Variants in NR3C1 observed in about 807,000 individuals in gnomAD.
The protein encoded by NR3C1 is nuclear receptor subfamily 3 group C member 1.
In NR3C1, 14 loss-of-function variants were observed where a neutral mutation model predicts 74.0. The observed-to-expected ratio is 0.19, with a 90% CI of 0.12 to 0.30. The LOEUF is 0.30. Ranked by LOEUF, NR3C1 falls within the 10% of genes least tolerant of loss-of-function variation. The pLI is 1.00. For synonymous variants in NR3C1, 308 were observed against 332.5 expected, an observed-to-expected ratio of 0.93 and a Z score of 0.80; for missense variants, 695 against 909.8, an observed-to-expected ratio of 0.76 and a Z score of 3.04.
intron 2 of NR3C1, among the ~76,000 whole-genome samples, chr5:143,346,961 C>A (rs1275741928): frequency 6.6e-6 from 1 of 152,206 alleles, no homozygotes; most frequent in East Asian, 1.9e-4. Context: ...AACATGTGTG[C>A]TCAGTGCTTT....
At position 143,298,661 on chromosome 5, in the gene NR3C1, A is replaced by AACTT; in HGVS notation, c.1892+3_1892+6dup. On this transcript the variant is annotated splice_region_variant and intron_variant, in intron 6 of 8. Coordinates refer to ENST00000394464, the MANE Select transcript of NR3C1 (RefSeq NM_000176.3). ...AATACAGGGAAAATGACACACATAC[A>AACTT]ACTTACTCATTAATAATCAGATCAG... The AACTT allele has an allele frequency of 6.2e-7, 1 of 1,612,598 alleles. No individual in the cohort carries two copies. Among genetic ancestry groups the AACTT allele is most frequent in the Non-Finnish European group, 8.5e-7 (1 of 1,179,176 alleles).
At chr5:143,342,455 T>G (rs543570089) in intron 2 of NR3C1, among the ~76,000 whole-genome samples, 3 of 151,918 alleles carry the variant, frequency 2.0e-5, no homozygotes, top group Admixed American at 6.6e-5. Flanking sequence ...AGGGGAGGAG[T>G]TTACTCAATG....
intron 2 of NR3C1, among the ~76,000 whole-genome samples, chr5:143,366,789 C>T (rs973374405): frequency 1.3e-5 from 2 of 151,990 alleles, no homozygotes; most frequent in African/African-American, 4.8e-5. Flanking sequence ...TTATAACAAA[C>T]AAGTAAAGAC....
At chr5:143,417,822 C>T (rs1463725516) in intron 1 of NR3C1, among the ~76,000 whole-genome samples, 1 of 152,124 alleles carries the variant, frequency 6.6e-6, no homozygotes. Flanking sequence ...TGGAAATTTT[C>T]ACTATATGAT....
intron 2 of NR3C1, among the ~76,000 whole-genome samples, chr5:143,363,469 A>G (rs1832640504): frequency 6.6e-6 from 1 of 152,204 alleles, no homozygotes; most frequent in Non-Finnish European, 1.5e-5. Flanking sequence ...GACTTCATAG[A>G]CAAAGACTTA....
intron 2 of NR3C1, among the ~76,000 whole-genome samples, chr5:143,352,065 C>T (rs1490701267): frequency 1.3e-5 from 2 of 152,148 alleles, no homozygotes; most frequent in South Asian, 2.1e-4. Context: ...TCACAACATT[C>T]CTAGTCATTT....
At chr5:143,409,043 T>C (rs909402954) in intron 1 of NR3C1, 2 of 152,186 alleles carry the variant, frequency 1.3e-5, no homozygotes. Context: ...AAGCAACAAA[T>C]GGCATAAACA....
intron 1 of NR3C1, among the ~76,000 whole-genome samples, chr5:143,412,783 A>G (rs921163411): frequency 6.6e-6 from 1 of 152,200 alleles, no homozygotes; most frequent in Admixed American, 6.5e-5. Flanking sequence ...TCATGTCTCC[A>G]CATTCACCCA....
intron 7 of NR3C1, among the ~76,000 whole-genome samples, chr5:143,285,516 C>T (rs772198506): frequency 1.7e-4 from 26 of 152,196 alleles, no homozygotes; most frequent in South Asian, 8.3e-4. Flanking sequence ...TAATCTAGAA[C>T]ATAAAACAAG....
intron 3 of NR3C1, among the ~76,000 whole-genome samples, chr5:143,311,836 G>C (rs1821048098): frequency 7.5e-6 from 1 of 133,136 alleles, no homozygotes; most frequent in Non-Finnish European, 1.6e-5. Flanking sequence ...TCGTTATGTT[G>C]CTCAGGCTGG....
chr5:143,375,604 C>T (rs912071787), intron 2 of NR3C1: 2 of 152,180 alleles, frequency 1.3e-5, no homozygotes, highest in Admixed American at 1.3e-4. Context: ...TAGATTGTTA[C>T]TAAAAATTTT....
At chr5:143,433,452 T>TTG (rs144498485) in intron 1 of NR3C1, among the ~76,000 whole-genome samples, 2 of 119,694 alleles carry the variant, frequency 1.7e-5, no homozygotes, top group Non-Finnish European at 3.4e-5. Flanking sequence ...TTTATTTAAA[T>TTG]TATATATATA....
At chr5:143,336,700 G>A (rs574246131) in intron 2 of NR3C1, among the ~76,000 whole-genome samples, 7 of 152,172 alleles carry the variant, frequency 4.6e-5, no homozygotes, top group South Asian at 4.1e-4. Context: ...GGCCAGGCGC[G>A]GTAGCTCATG....
intron 2 of NR3C1, among the ~76,000 whole-genome samples, chr5:143,382,852 GTA>G (rs1836502395): frequency 6.6e-6 from 1 of 152,212 alleles, no homozygotes; most frequent in African/African-American, 2.4e-5. Flanking sequence ...TCCCTGGGGT[GTA>G]TGCTGACATG....
intron 7 of NR3C1, among the ~76,000 whole-genome samples, chr5:143,286,801 C>CAGTA (rs1206591422): frequency 6.6e-6 from 1 of 151,738 alleles, no homozygotes; most frequent in East Asian, 1.9e-4. Context: ...AACAAGAGCA[C>CAGTA]AGTAAGTTTT....
At chr5:143,430,747 GAAAT>G (rs896064346) in intron 1 of NR3C1, among the ~76,000 whole-genome samples, 3 of 152,148 alleles carry the variant, frequency 2.0e-5, no homozygotes, top group African/African-American at 7.2e-5. Context: ...CAGACTGTGA[GAAAT>G]AAATGTTTGT....
chr5:143,287,105 C>G (rs1329569590), intron 7 of NR3C1, among the ~76,000 whole-genome samples: 3 of 151,520 alleles, frequency 2.0e-5, no homozygotes, highest in South Asian at 4.2e-4. Flanking sequence ...AGGTCTTCAA[C>G]TAACAATGGA....
chr5:143,395,532 T>C (rs1263147045), intron 2 of NR3C1, among the ~76,000 whole-genome samples: 1 of 151,864 alleles, frequency 6.6e-6, no homozygotes, highest in East Asian at 1.9e-4. Flanking sequence ...CAATTACTCT[T>C]GATGAAAATA....
intron 7 of NR3C1, chr5:143,294,463 A>G (rs1383924038): frequency 3.4e-6 from 1 of 293,534 alleles, no homozygotes; most frequent in Non-Finnish European, 5.1e-6. Flanking sequence ...AGGTACAGAG[A>G]TTTTTCATAT....
Sources: allele counts gnomAD v4.1 joint callset (sites outside exome capture counted in the v4.1 genomes callset), GRCh38; gene constraint gnomAD v4.1.1; transcripts MANE v1.5; gene names NCBI Gene and HGNC (gene_info 2026-07-23, HGNC 2026-07-21).